PABPC1L: variants seen among roughly 807,000 people sequenced by gnomAD.
PABPC1L encodes polyadenylate-binding protein 1-like.
In PABPC1L, 31 loss-of-function variants were observed where a neutral mutation model predicts 66.6. That is an observed-to-expected ratio of 0.47 (90% CI 0.35 to 0.63). PABPC1L has a LOEUF of 0.63. Ranked by LOEUF, PABPC1L falls within the 20% of genes least tolerant of loss-of-function variation. The pLI is 0.00. For synonymous variants in PABPC1L, 348 were observed against 335.1 expected (o/e 1.04, Z -0.42); for missense variants, 722 against 848.8 (o/e 0.85, Z 1.86).
In PABPC1L at chr20:44,912,746, C is replaced by A. The variant is rs751324214; in HGVS notation, c.280C>A (p.Arg94Ser). The change falls in exon 2 of 15, where the codon CGC (arginine) becomes AGC (serine). Residue 94 changes from arginine to serine, a missense_variant. Transcript: ENST00000217073. The stretch of plus-strand genomic sequence containing the variant: ...GTGGTCCCAGCGAGACCCAGGACTT[C>A]GCAAGTCAGGTGTGGGCAACATCTT... ...IMWSQRDPGL[R>S]KSGVGNIFIK... The A allele has an allele frequency of 6.2e-7, 1 of 1,613,982 alleles. No homozygotes were observed. Among genetic ancestry groups the A allele is most frequent in the Admixed American group, 1.7e-5 (1 of 60,000 alleles).
At chr20:44,917,914 C>G (rs1157464224) in intron 3 of PABPC1L, among the ~76,000 whole-genome samples, 1 of 152,146 alleles carries the variant, frequency 6.6e-6, no homozygotes, top group Non-Finnish European at 1.5e-5. Flanking sequence ...ATTTTGGTGC[C>G]TGGTACAACT....
At chr20:44,932,945 TTC>T (rs2066872623) in intron 9 of PABPC1L, 110 bp from the exon 10 acceptor site, 1 of 656,762 alleles carries the variant, frequency 1.5e-6, no homozygotes, top group Non-Finnish European at 2.7e-6. Context: ...ATGTTGTAGT[TTC>T]CCTTCCCATT....
intron 3 of PABPC1L, among the ~76,000 whole-genome samples, chr20:44,917,845 A>G (rs754756392): frequency 2.0e-5 from 3 of 152,160 alleles, no homozygotes; most frequent in Non-Finnish European, 4.4e-5. Context: ...TTCTCAGAAG[A>G]ATGCTCTTCG....
chr20:44,914,921 CAG>C (rs1269972564), intron 2 of PABPC1L, among the ~76,000 whole-genome samples: 2 of 152,156 alleles, frequency 1.3e-5, no homozygotes, highest in African/African-American at 4.8e-5. Context: ...CTCTGGGGCT[CAG>C]AGGTTAAGAA....
At chr20:44,936,356 C>G (rs910783843) in intron 11 of PABPC1L, among the ~76,000 whole-genome samples, 5 of 152,178 alleles carry the variant, frequency 3.3e-5, no homozygotes, top group Non-Finnish European at 5.9e-5. Flanking sequence ...CTTTATTTGG[C>G]ACAAAGTTAT....
rs1257718166 is a variant in PABPC1L, at chr20:44,933,223, C to A, written c.1459+38C>A. 3.3e-6 allele frequency: 5 copies of A among 1,533,800 alleles called. No homozygotes were observed. The Admixed American group carries it at 7.7e-5, about 24-fold the overall frequency. ...AGGGCCAAGGGGAATGGGGGTGGGGCAAAGTTGGCACTAGGAGTCAGGACC... is the reference window on the plus strand; with the variant it reads ...AGGGCCAAGGGGAATGGGGGTGGGGAAAAGTTGGCACTAGGAGTCAGGACC... On this transcript the variant is annotated intron_variant, in intron 10 of 14. Coordinates refer to ENST00000217073, the MANE Select transcript of PABPC1L (RefSeq NM_001372179.1).
At chr20:44,930,095 G>A (rs73296568) in intron 7 of PABPC1L, among the ~76,000 whole-genome samples, 1,828 of 152,216 alleles carry the variant, frequency 0.012, 31 homozygotes, top group African/African-American at 0.039. Context: ...TCCCGCATCG[G>A]GAGGTTGTAC....
At chr20:44,910,400 C>A in intron 1 of PABPC1L, 64 bp downstream of exon 1, 1 of 1,428,078 alleles carries the variant, frequency 7.0e-7, no homozygotes, top group Non-Finnish European at 9.2e-7. Flanking sequence ...CAGACAGAAG[C>A]CGGAACTGGG....
At chr20:44,924,304 T>TCACCACCATCC in intron 7 of PABPC1L, 48 bp downstream of exon 7, 1 of 1,418,776 alleles carries the variant, frequency 7.0e-7, no homozygotes, top group East Asian at 2.3e-5. Flanking sequence ...CTCCATCCTC[T>TCACCACCATCC]CACCACCATC....
chr20:44,935,030 T>G (rs2066890193), intron 10 of PABPC1L, among the ~76,000 whole-genome samples: 1 of 149,680 alleles, frequency 6.7e-6, no homozygotes, highest in African/African-American at 2.5e-5. Flanking sequence ...ATAACACCAC[T>G]GCACTATAGC....
chr20:44,931,902 A>G (rs898587483), intron 8 of PABPC1L: 1 of 153,184 alleles, frequency 6.5e-6, no homozygotes, highest in Admixed American at 6.5e-5. Flanking sequence ...TTAGATGGTC[A>G]TTTTTTTGTG....
chr20:44,913,541 C>T (rs1049024356), intron 2 of PABPC1L, among the ~76,000 whole-genome samples: 1 of 152,108 alleles, frequency 6.6e-6, no homozygotes, highest in Admixed American at 6.5e-5. Context: ...CTGCCTCAGC[C>T]TCCCGAGTAG....
chr20:44,916,663 G>A, intron 2 of PABPC1L, 93 bp from the exon 3 acceptor site: 1 of 1,168,458 alleles, frequency 8.6e-7, no homozygotes, highest in Non-Finnish European at 1.3e-6. Flanking sequence ...AGGCACAGCA[G>A]GCATGCAGAG....
In PABPC1L at chr20:44,912,732, G is replaced by T; in HGVS notation, c.266G>T (p.Arg89Leu). 6.2e-7 allele frequency: 1 copy of T among 1,614,116 alleles called. No homozygotes were observed. Among genetic ancestry groups the T allele is most frequent in the Non-Finnish European group, 8.5e-7 (1 of 1,180,006 alleles). ...CCTATTCGCATCATGTGGTCCCAGCGAGACCCAGGACTTCGCAAGTCAGGT... is the reference window on the plus strand; with the variant it reads ...CCTATTCGCATCATGTGGTCCCAGCTAGACCCAGGACTTCGCAAGTCAGGT... ...GQPIRIMWSQ[R>L]DPGLRKSGVG... Residue 89 changes from arginine (R) to leucine (L), a missense_variant, in exon 2 of 15, where the codon CGA becomes CTA. Arg to Leu is a moderately radical substitution (Grantham distance 102). Transcript: ENST00000217073.
chr20:44,932,574 T>G, intron 9 of PABPC1L, 142 bp downstream of exon 9: 4 of 669,018 alleles, frequency 6.0e-6, no homozygotes, highest in Non-Finnish European at 1.0e-5. Flanking sequence ...TTTCCTCTTC[T>G]GAGCATGGGC....
chr20:44,931,015 TCCCTTC>T (rs1236773190), intron 8 of PABPC1L, among the ~76,000 whole-genome samples: 3 of 40,560 alleles, frequency 7.4e-5, no homozygotes, highest in Admixed American at 2.7e-4. Flanking sequence ...CTCCCTTCCT[TCCCTTC>T]CCTCCCTTCC....
In PABPC1L at chr20:44,938,185, T is replaced by C; in HGVS notation, c.1785T>C (p.His595=). The C allele has an allele frequency of 1.2e-6, 2 of 1,613,738 alleles. No homozygotes were observed. The highest frequency in any genetic ancestry group is 1.7e-6 in the Non-Finnish European group (2 of 1,179,844). ...TGCTGGAGTCTCCAGAATCCCTCCA[T>C]GCCAAGGTAAGCAGGAGCCTGGGCA... The part of the protein sequence containing the change: ...LLMLESPESL[H]AKIDEAVAVL... The change falls in exon 13 of 15, where the codon CAT becomes CAC. Residue 595 remains histidine (H), a synonymous_variant. Coordinates refer to ENST00000217073, the MANE Select transcript of PABPC1L (RefSeq NM_001372179.1).
chr20:44,933,748 A>ATT (rs749525367), intron 10 of PABPC1L, among the ~76,000 whole-genome samples: 230 of 119,440 alleles, frequency 1.9e-3, no homozygotes, highest in African/African-American at 3.6e-3. Flanking sequence ...CCCAGCCTTA[A>ATT]TTTTTTTTTT....
intron 14 of PABPC1L, 94 bp downstream of exon 14, chr20:44,938,842 T>C (rs2066922001): frequency 8.0e-7 from 1 of 1,249,194 alleles, no homozygotes. Context: ...AATTGCGCCG[T>C]GTTCCTGGCT....
Sources: allele counts gnomAD v4.1 joint callset (sites outside exome capture counted in the v4.1 genomes callset), GRCh38; gene constraint gnomAD v4.1.1; transcripts MANE v1.5; gene names NCBI Gene and HGNC (gene_info 2026-07-23, HGNC 2026-07-21).